The following NRXN1 variants were observed in gnomAD, a reference collection of about 807,000 sequenced individuals.
NRXN1 encodes neurexin-1.
A neutral mutation model predicts 150.9 loss-of-function variants in NRXN1; 39 were observed. The observed-to-expected ratio is 0.26, with a 90% CI of 0.20 to 0.34. NRXN1 has a LOEUF of 0.34. Ranked by LOEUF, NRXN1 falls within the 10% of genes least tolerant of loss-of-function variation. The pLI, the probability that NRXN1 is intolerant of heterozygous loss-of-function variation, is 1.00. For missense variants in NRXN1, 1,815 were observed against 1,949.9 expected, an observed-to-expected ratio of 0.93 and a Z score of 1.30; for synonymous variants, 924 against 757.0, an observed-to-expected ratio of 1.22 and a Z score of -3.62.
intron 5 of NRXN1, among the ~76,000 whole-genome samples, chr2:50,698,236 C>A (rs931745006): frequency 6.6e-6 from 1 of 152,202 alleles, no homozygotes; most frequent in Non-Finnish European, 1.5e-5. Context: ...CAAATGTTGT[C>A]CAAGGACATT....
intron 15 of NRXN1, among the ~76,000 whole-genome samples, chr2:50,495,015 A>G (rs1228959562): frequency 1.3e-5 from 2 of 150,266 alleles, no homozygotes; most frequent in African/African-American, 2.5e-5. Flanking sequence ...TGGGTGACGG[A>G]GCAAGACTCT....
At chr2:50,062,119 C>A (rs781209589) in intron 19 of NRXN1, among the ~76,000 whole-genome samples, 13 of 152,036 alleles carry the variant, frequency 8.6e-5, no homozygotes, top group Admixed American at 8.5e-4. Flanking sequence ...GGAATGTATA[C>A]CCTCTATTTT....
At chr2:50,093,297 A>G (rs964018393) in intron 18 of NRXN1, among the ~76,000 whole-genome samples, 13 of 152,112 alleles carry the variant, frequency 8.5e-5, no homozygotes, top group African/African-American at 3.1e-4. Flanking sequence ...CCAGGGGAAA[A>G]TATATACTAA....
intron 5 of NRXN1, among the ~76,000 whole-genome samples, chr2:50,793,635 G>C (rs1706381574): frequency 6.6e-6 from 1 of 152,088 alleles, no homozygotes; most frequent in Non-Finnish European, 1.5e-5. Flanking sequence ...GGCAGCTGAA[G>C]AGATGTTTCT....
intron 18 of NRXN1, among the ~76,000 whole-genome samples, chr2:50,209,988 T>G (rs1184127619): frequency 6.6e-6 from 1 of 151,980 alleles, no homozygotes; most frequent in East Asian, 1.9e-4. Context: ...TTAATGCTGT[T>G]TATCTCTCAA....
chr2:50,493,791 T>C (rs1303199193), intron 15 of NRXN1, among the ~76,000 whole-genome samples: 2 of 152,262 alleles, frequency 1.3e-5, no homozygotes, highest in African/African-American at 4.8e-5. Context: ...TATTCTATAC[T>C]AATGATTAGC....
chr2:50,221,910 G>A (rs1173286257), intron 18 of NRXN1, among the ~76,000 whole-genome samples: 1 of 151,938 alleles, frequency 6.6e-6, no homozygotes, highest in African/African-American at 2.4e-5. Flanking sequence ...GAATACATCT[G>A]TTGCTACTCT....
intron 12 of NRXN1, among the ~76,000 whole-genome samples, chr2:50,522,925 G>A (rs2092836268): frequency 6.6e-6 from 1 of 150,916 alleles, no homozygotes; most frequent in Non-Finnish European, 1.5e-5. Flanking sequence ...GTAGAGACGG[G>A]GTTTCACCAT....
At chr2:50,074,302 G>A (rs570396513) in intron 19 of NRXN1, among the ~76,000 whole-genome samples, 6 of 152,196 alleles carry the variant, frequency 3.9e-5, no homozygotes, top group Admixed American at 1.3e-4. Flanking sequence ...AGAAGGAAGA[G>A]TTCCCAATTT....
intron 17 of NRXN1, among the ~76,000 whole-genome samples, chr2:50,387,914 G>A (rs1006949941): frequency 1.3e-5 from 2 of 152,142 alleles, no homozygotes; most frequent in Non-Finnish European, 2.9e-5. Flanking sequence ...AAATCCACTA[G>A]GGGCTTGGGT....
chr2:50,431,097 A>T (rs1342841352), intron 17 of NRXN1, among the ~76,000 whole-genome samples: 1 of 152,148 alleles, frequency 6.6e-6, no homozygotes, highest in Admixed American at 6.5e-5. Context: ...TACCCGTGAC[A>T]TCTTATTAAC....
At chr2:50,980,022 A>C (rs1366771981) in intron 2 of NRXN1, among the ~76,000 whole-genome samples, 1 of 152,144 alleles carries the variant, frequency 6.6e-6, no homozygotes, top group Non-Finnish European at 1.5e-5. Context: ...CAACAATATA[A>C]ATAAACCACA....
At chr2:50,367,674 A>G (rs536257190) in intron 17 of NRXN1, among the ~76,000 whole-genome samples, 1 of 152,106 alleles carries the variant, frequency 6.6e-6, no homozygotes, top group South Asian at 2.1e-4. Context: ...ACATGCAGAA[A>G]TGGCCCTGCA....
At chr2:50,134,224 A>G (rs1170799664) in intron 18 of NRXN1, among the ~76,000 whole-genome samples, 1 of 151,342 alleles carries the variant, frequency 6.6e-6, no homozygotes, top group Non-Finnish European at 1.5e-5. Context: ...TTGAAAAGCA[A>G]CAAAAAGGGT....
At chr2:50,857,348 T>G (rs1458201439) in intron 5 of NRXN1, among the ~76,000 whole-genome samples, 3 of 152,020 alleles carry the variant, frequency 2.0e-5, no homozygotes, top group African/African-American at 7.2e-5. Flanking sequence ...GGTGGCTACA[T>G]GGCTGGGAAA....
At chr2:49,932,164 C>A (rs1670242054) in intron 22 of NRXN1, among the ~76,000 whole-genome samples, 1 of 152,084 alleles carries the variant, frequency 6.6e-6, no homozygotes, top group East Asian at 1.9e-4. Flanking sequence ...GCCTGTAATC[C>A]CAGTGCTTTG....
At chr2:50,086,750 G>GAA (rs1396481461) in intron 19 of NRXN1, among the ~76,000 whole-genome samples, 1 of 151,838 alleles carries the variant, frequency 6.6e-6, no homozygotes, top group Non-Finnish European at 1.5e-5. Flanking sequence ...GCTGTCTGGT[G>GAA]ACACACAGCA....
chr2:50,960,662 G>T (rs987409481), intron 2 of NRXN1, among the ~76,000 whole-genome samples: 1 of 151,824 alleles, frequency 6.6e-6, no homozygotes, highest in East Asian at 1.9e-4. Flanking sequence ...CTTCTCAGGC[G>T]TGAACTTGCA....
At chr2:50,927,751 A>G (rs376021445) in intron 2 of NRXN1, among the ~76,000 whole-genome samples, 1 of 152,132 alleles carries the variant, frequency 6.6e-6, no homozygotes, top group East Asian at 1.9e-4. Context: ...TTTAGAGGAG[A>G]GTCATGTGCC....
Sources: gnomAD v4.1 joint callset for allele counts (sites outside exome capture counted in the v4.1 genomes callset) on GRCh38, gnomAD v4.1.1 for gene constraint, MANE v1.5 for transcripts, NCBI Gene and HGNC (gene_info 2026-07-23, HGNC 2026-07-21) for gene names.